Variants in METTL24 observed in about 807,000 individuals in gnomAD.
The protein encoded by METTL24 is probable methyltransferase-like protein 24.
Under a neutral mutation model 32.7 loss-of-function variants are expected in METTL24, and 29 were observed. The observed-to-expected ratio is 0.89, with a 90% CI of 0.66 to 1.21. The LOEUF is 1.21. Among genes scored for constraint, METTL24 ranks in the 50% most tolerant of loss-of-function variants. The probability of loss-of-function intolerance (pLI) is 0.00; values close to 1 mark genes in which losing one functional copy is unlikely to be tolerated. For synonymous variants in METTL24, 163 were observed against 179.5 expected (o/e 0.91, Z 0.73); for missense variants, 439 against 468.1 (o/e 0.94, Z 0.57).
intron 4 of METTL24, among the ~76,000 whole-genome samples, chr6:110,286,507 C>T (rs1198489614): frequency 2.0e-5 from 3 of 152,136 alleles, no homozygotes; most frequent in Non-Finnish European, 1.5e-5. Context: ...TGTCCAGCGT[C>T]CCCCATTCTA....
At chr6:110,281,198 A>G (rs1771129505) in intron 4 of METTL24, among the ~76,000 whole-genome samples, 1 of 152,200 alleles carries the variant, frequency 6.6e-6, no homozygotes, top group African/African-American at 2.4e-5. Flanking sequence ...TAAAGATAAT[A>G]GGATTTATGA....
intron 1 of METTL24, among the ~76,000 whole-genome samples, chr6:110,347,607 T>A (rs1422247327): frequency 6.6e-6 from 1 of 152,210 alleles, no homozygotes; most frequent in Non-Finnish European, 1.5e-5. Context: ...TTGCTCCAAC[T>A]GGCCTCCCTT....
rs373209588 is a variant in METTL24 at position 110,253,890 on chromosome 6, C to A, written c.787-7630G>T. 5.1e-5 allele frequency: 74 copies of A among 1,462,988 alleles called. 2 individuals are homozygous for A. Among genetic ancestry groups the A allele is most frequent in the East Asian group, 3.0e-4 (11 of 36,762 alleles). 90.6% of individuals were successfully genotyped at this position (1,462,988 alleles called of 1,614,324 possible). On this transcript the variant is annotated intron_variant, in intron 4 of 4. Coordinates refer to ENST00000338882, the MANE Select transcript of METTL24 (RefSeq NM_001123364.3). Reference sequence around the variant, plus strand: ...TAAAATTTTCTCTCAAACAGAGTCCCTCAGAGCTTTCAGAATCTGAAGGAG... The same window carrying A: ...TAAAATTTTCTCTCAAACAGAGTCCATCAGAGCTTTCAGAATCTGAAGGAG...
intron 4 of METTL24, among the ~76,000 whole-genome samples, chr6:110,257,023 T>G (rs988729597): frequency 6.6e-6 from 1 of 152,180 alleles, no homozygotes; most frequent in African/African-American, 2.4e-5. Context: ...GAAATTTGCA[T>G]TGTTGGATTT....
intron 4 of METTL24, among the ~76,000 whole-genome samples, chr6:110,263,921 T>C (rs1303542381): frequency 6.6e-6 from 1 of 152,164 alleles, no homozygotes; most frequent in Non-Finnish European, 1.5e-5. Context: ...TAGCCATATG[T>C]AGAAAGTTGA....
intron 1 of METTL24, 95 bp downstream of exon 1, chr6:110,357,860 C>T (rs931086373): frequency 9.6e-6 from 6 of 624,828 alleles, no homozygotes; most frequent in Non-Finnish European, 1.3e-5. Context: ...GAGGTCCCAT[C>T]GAGGCGGCCT....
chr6:110,306,116 T>A (rs1393715616), intron 3 of METTL24, among the ~76,000 whole-genome samples: 1 of 132,152 alleles, frequency 7.6e-6, no homozygotes, highest in African/African-American at 2.9e-5. Context: ...CAAGAACATA[T>A]GGGCACAGGG....
chr6:110,260,798 T>A (rs1485991425), intron 4 of METTL24, among the ~76,000 whole-genome samples: 1 of 151,698 alleles, frequency 6.6e-6, no homozygotes, highest in Non-Finnish European at 1.5e-5. Context: ...CAGAAAAGAG[T>A]GGGGGCCAAT....
intron 2 of METTL24, among the ~76,000 whole-genome samples, chr6:110,320,404 G>A (rs75023741): frequency 0.021 from 3,184 of 152,210 alleles, 117 homozygotes; most frequent in African/African-American, 0.074. Flanking sequence ...CATACGGAGG[G>A]GGAGGGAGCA....
chr6:110,263,734 C>T (rs1234346993), intron 4 of METTL24, among the ~76,000 whole-genome samples: 1 of 152,140 alleles, frequency 6.6e-6, no homozygotes, highest in Admixed American at 6.5e-5. Context: ...TACAAGGCTA[C>T]AGTAACCAAA....
Position 110,291,635 on chromosome 6 carries a change from G to A in METTL24, c.786+7287C>T, listed in dbSNP as rs150022426. ...GAGGGTTTGTTGTACAGATTATTTC[G>A]TCACCCAGGTATTAAGCCTAAAACC... On this transcript the variant is annotated intron_variant, in intron 4 of 4. Coordinates refer to ENST00000338882, the MANE Select transcript of METTL24 (RefSeq NM_001123364.3). Among the ~76,000 whole-genome samples the A allele has an allele frequency of 8.3e-3, 1,264 of 151,980 alleles. 8 individuals carry two copies. The highest frequency in any genetic ancestry group is 0.017 in the Middle Eastern group (5 of 294).
chr6:110,350,925 A>G (rs1042626713), intron 1 of METTL24, among the ~76,000 whole-genome samples: 1 of 152,014 alleles, frequency 6.6e-6, no homozygotes, highest in Non-Finnish European at 1.5e-5. Context: ...TGGCCAACAG[A>G]GTGAAACCCC....
intron 1 of METTL24, among the ~76,000 whole-genome samples, chr6:110,350,576 G>T (rs746192015): frequency 2.6e-5 from 4 of 151,592 alleles, no homozygotes; most frequent in Non-Finnish European, 5.9e-5. Context: ...TTTCGTTTGA[G>T]AACCCTAATT....
chr6:110,303,145 T>C (rs1771567568), intron 3 of METTL24, among the ~76,000 whole-genome samples: 1 of 152,192 alleles, frequency 6.6e-6, no homozygotes, highest in African/African-American at 2.4e-5. Flanking sequence ...TACTACGCTT[T>C]TCCCATGGTC....
At chr6:110,257,752 C>T (rs1344640589) in intron 4 of METTL24, among the ~76,000 whole-genome samples, 1 of 152,248 alleles carries the variant, frequency 6.6e-6, no homozygotes, top group Non-Finnish European at 1.5e-5. Flanking sequence ...GCGCACAGCA[C>T]TCAGCCTCAG....
At chr6:110,266,368 G>T (rs1481951312) in intron 4 of METTL24, among the ~76,000 whole-genome samples, 2 of 152,012 alleles carry the variant, frequency 1.3e-5, no homozygotes, top group Non-Finnish European at 2.9e-5. Flanking sequence ...GTAAAGAAGT[G>T]GTTAGTGGAT....
intron 4 of METTL24, among the ~76,000 whole-genome samples, chr6:110,277,420 ATAG>A (rs1404266855): frequency 6.6e-6 from 1 of 152,186 alleles, no homozygotes; most frequent in African/African-American, 2.4e-5. Context: ...GAAACCAAAA[ATAG>A]TAGCAACTCT....
intron 1 of METTL24, among the ~76,000 whole-genome samples, chr6:110,346,232 A>C (rs80147559): frequency 0.011 from 1,700 of 152,350 alleles, 35 homozygotes; most frequent in African/African-American, 0.039. Context: ...TGATAGAAAC[A>C]ACCATTCTTT....
chr6:110,269,916 C>G (rs559800978), intron 4 of METTL24, among the ~76,000 whole-genome samples: 97 of 152,144 alleles, frequency 6.4e-4, no homozygotes, highest in African/African-American at 2.2e-3. Flanking sequence ...CCTCTCTGAC[C>G]GCCCTAAATT....
Sources: gnomAD v4.1 joint callset for allele counts (sites outside exome capture counted in the v4.1 genomes callset) on GRCh38, gnomAD v4.1.1 for gene constraint, MANE v1.5 for transcripts, NCBI Gene and HGNC (gene_info 2026-07-23, HGNC 2026-07-21) for gene names.